The following FAM219A variants were observed in gnomAD, a reference collection of about 807,000 sequenced individuals.
The protein encoded by FAM219A is protein FAM219A.
Under a neutral mutation model 23.4 loss-of-function variants are expected in FAM219A, and 7 were observed. That is an observed-to-expected ratio of 0.30 (90% confidence interval 0.17 to 0.56). The LOEUF (loss-of-function observed/expected upper bound fraction) is 0.56, where lower values mean the gene tolerates loss of function less well. FAM219A is among the 20% of genes least tolerant of loss of function. FAM219A has a pLI of 0.92. For missense variants in FAM219A, 166 were observed against 246.9 expected, an observed-to-expected ratio of 0.67 and a Z score of 2.20; for synonymous variants, 93 against 99.0, an observed-to-expected ratio of 0.94 and a Z score of 0.36.
intron 1 of FAM219A, among the ~76,000 whole-genome samples, chr9:34,424,494 C>G (rs988285398): frequency 2.0e-5 from 3 of 149,722 alleles, no homozygotes; most frequent in African/African-American, 7.3e-5. Context: ...CTTGGCCAAA[C>G]TAGAGGCAAT....
At chr9:34,450,667 C>T (rs1042417677) in intron 1 of FAM219A, among the ~76,000 whole-genome samples, 2 of 152,204 alleles carry the variant, frequency 1.3e-5, no homozygotes, top group Non-Finnish European at 2.9e-5. Context: ...TCCACCGCCT[C>T]GGCCTCCCAA....
intron 1 of FAM219A, among the ~76,000 whole-genome samples, chr9:34,453,166 T>C (rs1823615556): frequency 6.6e-6 from 1 of 152,128 alleles, no homozygotes; most frequent in Non-Finnish European, 1.5e-5. Context: ...AATCCACCCT[T>C]AAACTGAAAA....
chr9:34,418,779 G>T (rs1564004809), intron 1 of FAM219A, among the ~76,000 whole-genome samples: 1 of 152,118 alleles, frequency 6.6e-6, no homozygotes, highest in Non-Finnish European at 1.5e-5. Context: ...ATCTACAATG[G>T]TTAAAATTGG....
chr9:34,431,576 T>A (rs1287327276), intron 1 of FAM219A, among the ~76,000 whole-genome samples: 3 of 152,172 alleles, frequency 2.0e-5, no homozygotes, highest in Non-Finnish European at 4.4e-5. Context: ...TTTCTTTTCC[T>A]AAATCCAAGA....
At chr9:34,409,210 G>C (rs1190849089) in intron 1 of FAM219A, among the ~76,000 whole-genome samples, 1 of 152,252 alleles carries the variant, frequency 6.6e-6, no homozygotes, top group East Asian at 1.9e-4. Context: ...GGCCACCTTA[G>C]TGGCAAGCAC....
chr9:34,402,752 G>A lies in FAM219A; in HGVS notation c.216C>T (p.Ser72=), dbSNP rs757443281. The part of the protein sequence containing the change: ...KGSLKNGSMG[S]PVNQQPKKNN... ...TCTTCTTGGGTTGCTGGTTGACAGG[G>A]CTACCCATGCTGCCATTCTTCAGGG... The change falls in exon 3 of 6, where the codon AGC becomes AGT. Residue 72 remains serine, a synonymous_variant. Transcript: ENST00000651358. 3 of 1,614,178 alleles carry A rather than the reference G, an allele frequency of 1.9e-6. No individual in the cohort carries two copies. Among genetic ancestry groups the A allele is most frequent in the Non-Finnish European group, 2.5e-6 (3 of 1,180,028 alleles).
intron 1 of FAM219A, among the ~76,000 whole-genome samples, chr9:34,452,511 AGTATCTGT>A (rs372012764): frequency 2.4e-4 from 36 of 152,194 alleles, no homozygotes; most frequent in African/African-American, 3.6e-4. Flanking sequence ...CCACCTTATT[AGTATCTGT>A]GTATCTGTCC....
At chr9:34,430,799 G>A (rs1405842522) in intron 1 of FAM219A, among the ~76,000 whole-genome samples, 2 of 151,802 alleles carry the variant, frequency 1.3e-5, no homozygotes, top group Non-Finnish European at 1.5e-5. Context: ...CAGTGATCAT[G>A]CCATTACACT....
chr9:34,417,496 C>T lies in FAM219A; in HGVS notation c.61-11532G>A, dbSNP rs1435824805. ...CTTTTCACTATTATAGATAATGCTACACTGAAATCCACATATATTTACATT... is the reference window on the plus strand; with the variant it reads ...CTTTTCACTATTATAGATAATGCTATACTGAAATCCACATATATTTACATT... On this transcript the variant is annotated intron_variant, in intron 1 of 5. Coordinates refer to ENST00000651358, the MANE Select transcript of FAM219A (RefSeq NM_001184940.2). The surrounding 1 kb of genome is among the most constrained non-coding windows in gnomAD (Gnocchi z 4.1). Among the ~76,000 whole-genome samples the T allele has an allele frequency of 1.3e-5, 2 of 152,150 alleles. No individual in the cohort carries two copies. Among genetic ancestry groups the T allele is most frequent in the Non-Finnish European group, 2.9e-5 (2 of 68,034 alleles).
intron 1 of FAM219A, among the ~76,000 whole-genome samples, chr9:34,421,007 T>TGAGA (rs761212084): frequency 0.016 from 1,242 of 76,586 alleles, 20 homozygotes; most frequent in East Asian, 0.095. Flanking sequence ...TGTGTGTGTG[T>TGAGA]GTGAGAGAGA....
intron 1 of FAM219A, among the ~76,000 whole-genome samples, chr9:34,409,965 T>C (rs1821766049): frequency 1.3e-5 from 2 of 152,244 alleles, no homozygotes; most frequent in Admixed American, 1.3e-4. Flanking sequence ...AGTGAGATCA[T>C]AGGTACCTAT....
At chr9:34,425,581 C>T (rs1398491662) in intron 1 of FAM219A, among the ~76,000 whole-genome samples, 1 of 152,204 alleles carries the variant, frequency 6.6e-6, no homozygotes, top group Non-Finnish European at 1.5e-5. Flanking sequence ...CTGCATGCCT[C>T]CACTGTGCTT....
In FAM219A at chr9:34,432,980, G is replaced by A. The variant is rs115047811; in HGVS notation, c.60+25224C>T. 5.0e-3 allele frequency among the ~76,000 whole-genome samples: 762 copies of A among 152,302 alleles called. 10 individuals are homozygous for A. Among genetic ancestry groups the A allele is most frequent in the African/African-American group, 0.017 (715 of 41,558 alleles). On this transcript the variant is annotated intron_variant, in intron 1 of 5. Coordinates refer to ENST00000651358, the MANE Select transcript of FAM219A (RefSeq NM_001184940.2). ...CCTGAATTGCTGGGATTATAGGCAT[G>A]AGCCACTATGCCTGGCTTATTATTG...
chr9:34,451,581 G>T (rs1823564077), intron 1 of FAM219A, among the ~76,000 whole-genome samples: 2 of 152,288 alleles, frequency 1.3e-5, no homozygotes, highest in Admixed American at 1.3e-4. Flanking sequence ...GAGGTGAGAG[G>T]GTCCCTGAGA....
intron 1 of FAM219A, among the ~76,000 whole-genome samples, chr9:34,416,204 AAAG>A (rs2131951666): frequency 9.3e-6 from 1 of 107,178 alleles, no homozygotes; most frequent in Admixed American, 9.6e-5. Context: ...AGAAAGAAAG[AAAG>A]AAAGAAAGAA....
At chr9:34,422,610 G>A (rs976842179) in intron 1 of FAM219A, among the ~76,000 whole-genome samples, 2 of 152,168 alleles carry the variant, frequency 1.3e-5, no homozygotes, top group Non-Finnish European at 2.9e-5. Context: ...CTGATCACAA[G>A]CTTCCTGCTC....
chr9:34,458,563 G>C lies in FAM219A; in HGVS notation c.-300C>G, dbSNP rs1823860667. 5.1e-6 allele frequency: 2 copies of C among 389,686 alleles called. No individual in the cohort carries two copies. Among genetic ancestry groups the C allele is most frequent in the South Asian group, 6.4e-5 (2 of 31,446 alleles). The allele number at this position is 389,686 out of a possible 1,614,324, so 24.1% of individuals were successfully genotyped here. On this transcript the variant is annotated 5_prime_UTR_variant, in exon 1 of 6. Coordinates refer to ENST00000651358, the MANE Select transcript of FAM219A (RefSeq NM_001184940.2). This position sits in a 1 kb window ranked among gnomAD's most constrained non-coding sequence, Gnocchi z 6.6. ...CTCCTGTCAGCAGCTCAGCCACTGC[G>C]GTGACTCGGCAACTCCACTTCCGGG...
intron 1 of FAM219A, among the ~76,000 whole-genome samples, chr9:34,452,905 A>G (rs1461858118): frequency 6.6e-6 from 1 of 152,108 alleles, no homozygotes; most frequent in Non-Finnish European, 1.5e-5. Context: ...ACTATTCTAT[A>G]GTGCCTCAAT....
intron 1 of FAM219A, among the ~76,000 whole-genome samples, chr9:34,411,574 G>A (rs1416179937): frequency 1.3e-5 from 2 of 151,682 alleles, no homozygotes; most frequent in South Asian, 4.2e-4. Flanking sequence ...CTACTCGGGA[G>A]GCTGAGGCAG....
Sources: allele counts gnomAD v4.1 joint callset (sites outside exome capture counted in the v4.1 genomes callset), GRCh38; gene constraint gnomAD v4.1.1; non-coding constraint Gnocchi (gnomAD v3.1); transcripts MANE v1.5; gene names NCBI Gene and HGNC (gene_info 2026-07-23, HGNC 2026-07-21).